NCOA3: variants seen among roughly 807,000 people sequenced by gnomAD.
NCOA3 encodes nuclear receptor coactivator 3.
A neutral mutation model predicts 158.8 loss-of-function variants in NCOA3; 51 were observed. The observed-to-expected ratio is 0.32, with a 90% CI of 0.26 to 0.41. NCOA3 has a LOEUF of 0.41. NCOA3 is among the 10% of genes least tolerant of loss of function. NCOA3 has a pLI of 1.00. For missense variants in NCOA3, 1,510 were observed against 1,746.6 expected (o/e 0.86, Z 2.41); for synonymous variants, 537 against 592.4 (o/e 0.91, Z 1.36).
intron 2 of NCOA3, among the ~76,000 whole-genome samples, chr20:47,609,145 G>T (rs893781440): frequency 6.6e-6 from 1 of 152,108 alleles, no homozygotes; most frequent in African/African-American, 2.4e-5. Context: ...AATTTCTGAT[G>T]ATCTACTTAC....
Position 47,547,247 on chromosome 20 carries a change from G to A in NCOA3, c.-98-35936G>A, listed in dbSNP as rs370003470. ...TTTGTCGAGTGAATAAACACACTCT[G>A]TATTTCCTTGAAAGGGTGACGTCCT... is the stretch of plus-strand genomic sequence containing the variant. On this transcript the variant is annotated intron_variant, in intron 1 of 22. Transcript: ENST00000371998. Among the ~76,000 whole-genome samples the A allele has an allele frequency of 3.3e-5, 5 of 152,174 alleles. No homozygotes were observed. The East Asian group carries it at 7.7e-4, about 24-fold the overall frequency.
chr20:47,551,421 GTAGACTTTC>G (rs1413458823), intron 1 of NCOA3, among the ~76,000 whole-genome samples: 2 of 152,136 alleles, frequency 1.3e-5, no homozygotes, highest in African/African-American at 4.8e-5. Flanking sequence ...CTTTCAAGCA[GTAGACTTTC>G]TACAACAACC....
At chr20:47,618,324 A>G (rs2086173350) in intron 2 of NCOA3, among the ~76,000 whole-genome samples, 1 of 130,550 alleles carries the variant, frequency 7.7e-6, no homozygotes, top group Admixed American at 7.4e-5. Context: ...CTTTTTCATG[A>G]TTTTAAGTTA....
rs74573372 is a variant in NCOA3 at position 47,653,389 on chromosome 20, T to C, written c.4264-17T>C. 1.3e-6 allele frequency: 2 copies of C among 1,588,764 alleles called. No homozygotes were observed. The highest frequency in any genetic ancestry group is 1.8e-5 in the Admixed American group (1 of 56,324). ...ACTCATTTTTTTTTTTTTTTTTTTT[T>C]TCCTGGTTGCTGACAGAAATACTGC... On this transcript the variant is annotated splice_polypyrimidine_tract_variant and intron_variant, in intron 22 of 22. Coordinates refer to ENST00000371998, the MANE Select transcript of NCOA3 (RefSeq NM_181659.3).
chr20:47,511,550 T>TATATATATATATACAC, intron 1 of NCOA3, among the ~76,000 whole-genome samples: 1,430 of 52,186 alleles, frequency 0.027, 105 homozygotes, highest in East Asian at 0.052. Context: ...TATATATATA[T>TATATATATATATACAC]ATATATTTCT....
At chr20:47,618,603 C>T (rs1249728173) in intron 2 of NCOA3, among the ~76,000 whole-genome samples, 1 of 152,190 alleles carries the variant, frequency 6.6e-6, no homozygotes, top group Non-Finnish European at 1.5e-5. Flanking sequence ...ATTCGCCCAT[C>T]TTGGCCTCCC....
intron 1 of NCOA3, among the ~76,000 whole-genome samples, chr20:47,507,118 A>G (rs565288781): frequency 1.3e-5 from 2 of 152,338 alleles, no homozygotes; most frequent in African/African-American, 2.4e-5. Context: ...ATAATCCTCA[A>G]TTAGGATAAG....
chr20:47,533,284 C>CAA (rs1158802672), intron 1 of NCOA3, among the ~76,000 whole-genome samples: 3,655 of 54,630 alleles, frequency 0.067, 185 homozygotes, highest in Middle Eastern at 0.092. Flanking sequence ...GGTTCCGTCT[C>CAA]AAAAAAAAAA....
intron 1 of NCOA3, among the ~76,000 whole-genome samples, chr20:47,512,311 C>G (rs2084157720): frequency 6.6e-6 from 1 of 152,026 alleles, no homozygotes; most frequent in South Asian, 2.1e-4. Flanking sequence ...TAGCTCACAC[C>G]TATAATCCCA....
At chr20:47,603,550 G>C (rs1415754217) in intron 2 of NCOA3, among the ~76,000 whole-genome samples, 2 of 152,234 alleles carry the variant, frequency 1.3e-5, no homozygotes, top group Non-Finnish European at 1.5e-5. Flanking sequence ...TTGGTATTCA[G>C]GTCCTTGTCC....
intron 2 of NCOA3, among the ~76,000 whole-genome samples, chr20:47,607,971 G>GT (rs1041078950): frequency 1.3e-5 from 2 of 151,962 alleles, no homozygotes; most frequent in Admixed American, 6.6e-5. Flanking sequence ...CAGAAGTTTT[G>GT]TTTTTTGCAA....
chr20:47,600,691 T>A (rs1302445243), intron 2 of NCOA3, among the ~76,000 whole-genome samples: 3 of 151,644 alleles, frequency 2.0e-5, no homozygotes, highest in East Asian at 1.9e-4. Context: ...ACGTTTTGTA[T>A]TTTTGGTAGA....
rs538027189 is a variant in NCOA3 at position 47,526,264 on chromosome 20, C to T, written c.-99+24245C>T. 9.2e-5 allele frequency among the ~76,000 whole-genome samples: 14 copies of T among 151,830 alleles called. No homozygotes were observed. In the South Asian group the frequency reaches 2.7e-3, roughly 29 times the overall value. On this transcript the variant is annotated intron_variant, in intron 1 of 22. Transcript: ENST00000371998. Reference sequence around the variant, plus strand: ...GCATGGTGGCCGGGCAGAGACGCTCCTCACTTTCCAGACTGGGCAGCCAGG... The same window carrying T: ...GCATGGTGGCCGGGCAGAGACGCTCTTCACTTTCCAGACTGGGCAGCCAGG...
chr20:47,577,658 A>G (rs2085392631), intron 1 of NCOA3, among the ~76,000 whole-genome samples: 1 of 152,180 alleles, frequency 6.6e-6, no homozygotes, highest in African/African-American at 2.4e-5. Context: ...AGCAACTGTG[A>G]TTTGCTTATT....
intron 2 of NCOA3, among the ~76,000 whole-genome samples, chr20:47,616,145 AC>A (rs2086131165): frequency 2.3e-5 from 1 of 42,916 alleles, no homozygotes; most frequent in South Asian, 6.9e-4. Flanking sequence ...CCCCGCCCCC[AC>A]CCCCCGCCCC....
At chr20:47,530,987 T>C (rs2084535704) in intron 1 of NCOA3, among the ~76,000 whole-genome samples, 2 of 152,210 alleles carry the variant, frequency 1.3e-5, no homozygotes, top group South Asian at 4.1e-4. Context: ...TTATCTACCC[T>C]GTTTCATCTT....
At chr20:47,510,860 G>T (rs973274609) in intron 1 of NCOA3, among the ~76,000 whole-genome samples, 10 of 152,102 alleles carry the variant, frequency 6.6e-5, no homozygotes, top group African/African-American at 2.4e-4. Context: ...TGGGATTACA[G>T]ATGTGAGCCA....
chr20:47,622,203 T>A, intron 2 of NCOA3, 26 bp from the exon 3 acceptor site: 1 of 1,256,770 alleles, frequency 8.0e-7, no homozygotes. Context: ...AATGTACTTA[T>A]CTTATTTCTC....
intron 1 of NCOA3, among the ~76,000 whole-genome samples, chr20:47,543,634 C>G (rs1032732305): frequency 9.2e-5 from 14 of 151,976 alleles, no homozygotes; most frequent in Non-Finnish European, 1.5e-4. Context: ...CTCAGCCTCC[C>G]GAGTAGCTGG....
Sources: allele counts gnomAD v4.1 joint callset (sites outside exome capture counted in the v4.1 genomes callset), GRCh38; gene constraint gnomAD v4.1.1; transcripts MANE v1.5; gene names NCBI Gene and HGNC (gene_info 2026-07-23, HGNC 2026-07-21).